Variants in CDH23 observed in about 807,000 individuals in gnomAD.
CDH23 encodes the protein cadherin related 23.
A neutral mutation model predicts 317.1 loss-of-function variants in CDH23; 189 were observed. The ratio of observed to expected loss-of-function variants is 0.60; its 90% CI spans 0.53 to 0.67. The LOEUF (loss-of-function observed/expected upper bound fraction) is 0.67. Ranked by LOEUF, CDH23 falls within the 30% of genes least tolerant of loss-of-function variation. The pLI is 0.00. For synonymous variants in CDH23, 1,839 were observed against 1,876.8 expected, an observed-to-expected ratio of 0.98 and a Z score of 0.52; for missense variants, 4,401 against 4,592.4, an observed-to-expected ratio of 0.96 and a Z score of 1.20.
At chr10:71,593,999 T>C (rs1859674299) in intron 9 of CDH23, among the ~76,000 whole-genome samples, 1 of 152,128 alleles carries the variant, frequency 6.6e-6, no homozygotes, top group Non-Finnish European at 1.5e-5. Flanking sequence ...CTTGGAAGGT[T>C]GGGAGGATTG....
chr10:71,806,497 A>C (rs1841728962), intron 57 of CDH23, among the ~76,000 whole-genome samples: 1 of 151,884 alleles, frequency 6.6e-6, no homozygotes. Context: ...GGCAGACCAA[A>C]ATGCCTGACT....
At chr10:71,558,252 G>A (rs994386620) in intron 6 of CDH23, among the ~76,000 whole-genome samples, 26 of 152,020 alleles carry the variant, frequency 1.7e-4, no homozygotes, top group African/African-American at 2.4e-4. Context: ...CACCTGCCTC[G>A]GCCTCCCAAA....
intron 9 of CDH23, among the ~76,000 whole-genome samples, chr10:71,600,887 T>C (rs60899777): frequency 0.057 from 8,680 of 152,222 alleles, 312 homozygotes; most frequent in South Asian, 0.15. Context: ...AACCCTGGCC[T>C]TTCTGTTTTC....
chr10:71,751,318 C>A lies in CDH23; in HGVS notation c.4845+9397C>A, dbSNP rs544211824. The A allele has an allele frequency of 7.5e-6, 12 of 1,604,284 alleles. No homozygotes were observed. Among genetic ancestry groups the A allele is most frequent in the Non-Finnish European group, 1.0e-5 (12 of 1,174,696 alleles). ...GCAAGAAAAGGAGAAGCAAAGTGAACGGGGCCCCTCTGCCCCTCACCCTCA... is the reference window on the plus strand; with the variant it reads ...GCAAGAAAAGGAGAAGCAAAGTGAAAGGGGCCCCTCTGCCCCTCACCCTCA... On this transcript the variant is annotated intron_variant, in intron 38 of 69. Coordinates refer to ENST00000224721, the MANE Select transcript of CDH23 (RefSeq NM_022124.6). This position sits in a 1 kb window ranked among gnomAD's most constrained non-coding sequence, Gnocchi z 4.9.
intron 6 of CDH23, among the ~76,000 whole-genome samples, chr10:71,560,340 C>A (rs137913881): frequency 2.7e-5 from 4 of 150,780 alleles, no homozygotes; most frequent in Non-Finnish European, 4.4e-5. Context: ...TTTGAAGTAC[C>A]CTCCTTCCTT....
chr10:71,399,845 A>G (rs1847701750), intron 1 of CDH23, among the ~76,000 whole-genome samples: 3 of 151,950 alleles, frequency 2.0e-5, no homozygotes, highest in Non-Finnish European at 2.9e-5. Context: ...GGGTTTCCGG[A>G]AGCTGGGTGT....
intron 38 of CDH23, chr10:71,760,869 T>C: frequency 6.2e-7 from 1 of 1,613,446 alleles, no homozygotes; most frequent in Non-Finnish European, 8.5e-7. Flanking sequence ...GTCCCTTACT[T>C]TCACTATCCT....
intron 20 of CDH23, among the ~76,000 whole-genome samples, chr10:71,691,897 G>A (rs1428332646): frequency 6.6e-6 from 1 of 152,184 alleles, no homozygotes; most frequent in Admixed American, 6.5e-5. Context: ...CGGTGCTGAT[G>A]GGTACGAAGA....
At chr10:71,438,347 C>CAAAAAAAAAAA (rs10596696) in intron 1 of CDH23, among the ~76,000 whole-genome samples, 46 of 98,334 alleles carry the variant, frequency 4.7e-4, no homozygotes, top group African/African-American at 8.1e-4. Context: ...CTGTCTCAAA[C>CAAAAAAAAAAA]AAAAAAAAAA....
At chr10:71,462,008 T>C (rs1320433123) in intron 3 of CDH23, among the ~76,000 whole-genome samples, 3 of 152,254 alleles carry the variant, frequency 2.0e-5, no homozygotes, top group African/African-American at 4.8e-5. Context: ...ACCCGCCTGG[T>C]CAGCTCCTGG....
intron 1 of CDH23, among the ~76,000 whole-genome samples, chr10:71,425,371 A>AGAAGGAAGGAAGGAAGGTAGGAAG (rs1849022652): frequency 1.2e-5 from 1 of 82,418 alleles, no homozygotes; most frequent in Non-Finnish European, 2.5e-5. Flanking sequence ...AAGAGAGAGG[A>AGAAGGAAGGAAGGAAGGTAGGAAG]GAAGGAAGGA....
chr10:71,592,272 T>C (rs1445096959), intron 9 of CDH23, among the ~76,000 whole-genome samples: 3 of 152,200 alleles, frequency 2.0e-5, no homozygotes, highest in Non-Finnish European at 2.9e-5. Context: ...GCTCAGGAAC[T>C]AGGAACGAAG....
chr10:71,518,071 A>ATGTG (rs59841931), intron 6 of CDH23, among the ~76,000 whole-genome samples: 147 of 150,650 alleles, frequency 9.8e-4, no homozygotes, highest in African/African-American at 3.5e-3. Context: ...GTGTGTGTGT[A>ATGTG]TGTGTGTGTG....
Position 71,425,489 on chromosome 10 carries a change from C to A in CDH23, c.-5-14338C>A, listed in dbSNP as rs142155374. Reference sequence around the variant, plus strand: ...TATTAGATCACATGGGAGGGAGGAGCCTGAGAGAGGCCTTCACTTTTGAGT... The same window carrying A: ...TATTAGATCACATGGGAGGGAGGAGACTGAGAGAGGCCTTCACTTTTGAGT... On this transcript the variant is annotated intron_variant, in intron 1 of 69. Transcript: ENST00000224721. Among the ~76,000 whole-genome samples, 445 of 152,114 alleles carry A rather than the reference C, an allele frequency of 2.9e-3. 8 individuals carry two copies. Among genetic ancestry groups the A allele is most frequent in the Admixed American group, 0.018 (280 of 15,280 alleles).
intron 1 of CDH23, among the ~76,000 whole-genome samples, chr10:71,430,313 C>T (rs1023895470): frequency 6.6e-6 from 1 of 151,798 alleles, no homozygotes; most frequent in African/African-American, 2.4e-5. Flanking sequence ...AAAGTGAGAG[C>T]CCAGTGATGG....
At chr10:71,502,827 T>G (rs1197819226) in intron 3 of CDH23, among the ~76,000 whole-genome samples, 1 of 152,186 alleles carries the variant, frequency 6.6e-6, no homozygotes, top group African/African-American at 2.4e-5. Flanking sequence ...CTCACACCGC[T>G]TATTCACCCC....
intron 37 of CDH23, 108 bp from the exon 38 acceptor site, chr10:71,741,586 C>T: frequency 1.1e-6 from 1 of 886,550 alleles, no homozygotes. Flanking sequence ...GTAGATGCAG[C>T]AAAGCTTTTG....
chr10:71,745,288 T>G (rs1438921012), intron 38 of CDH23, among the ~76,000 whole-genome samples: 1 of 152,172 alleles, frequency 6.6e-6, no homozygotes, highest in Non-Finnish European at 1.5e-5. Context: ...GTCTTGTTGG[T>G]CAGTCTTGGT....
chr10:71,519,171 G>C (rs913895451), intron 6 of CDH23, among the ~76,000 whole-genome samples: 14 of 152,194 alleles, frequency 9.2e-5, no homozygotes, highest in African/African-American at 3.4e-4. Flanking sequence ...CAGGGGGACT[G>C]TGCAGAGCCC....
Sources: gnomAD v4.1 joint callset for allele counts (sites outside exome capture counted in the v4.1 genomes callset) on GRCh38, gnomAD v4.1.1 for gene constraint, Gnocchi (gnomAD v3.1) non-coding constraint, MANE v1.5 for transcripts, NCBI Gene and HGNC (gene_info 2026-07-23, HGNC 2026-07-21) for gene names.